KCNIP1: variants seen among roughly 807,000 people sequenced by gnomAD.
KCNIP1 encodes A-type potassium channel modulatory protein KCNIP1.
KCNIP1 carries 18 observed loss-of-function variants against 33.0 expected under a neutral mutation model. The ratio of observed to expected loss-of-function variants is 0.55; its 90% CI spans 0.38 to 0.81. KCNIP1 has a LOEUF of 0.81. KCNIP1 is among the 30% of genes least tolerant of loss of function. KCNIP1 has a pLI of 0.00. For synonymous variants in KCNIP1, 93 were observed against 98.3 expected (o/e 0.95, Z 0.32); for missense variants, 238 against 271.6 (o/e 0.88, Z 0.87).
At chr5:170,458,407 A>G (rs7716247) in intron 1 of KCNIP1, among the ~76,000 whole-genome samples, 10,136 of 152,246 alleles carry the variant, frequency 0.067, 613 homozygotes, top group African/African-American at 0.16. Flanking sequence ...CAGGTTATCT[A>G]AAGTTAAGAT....
chr5:170,487,826 G>T (rs1409490130), intron 1 of KCNIP1, among the ~76,000 whole-genome samples: 2 of 151,108 alleles, frequency 1.3e-5, no homozygotes, highest in Non-Finnish European at 2.9e-5. Flanking sequence ...CCCAGTCACA[G>T]TACATTTTTC....
chr5:170,498,500 T>C (rs1757352655), intron 1 of KCNIP1, among the ~76,000 whole-genome samples: 1 of 152,048 alleles, frequency 6.6e-6, no homozygotes, highest in Non-Finnish European at 1.5e-5. Context: ...AAGCACCTGC[T>C]ACCCTGAACT....
chr5:170,655,982 G>C (rs147396381), intron 1 of KCNIP1, among the ~76,000 whole-genome samples: 3 of 152,108 alleles, frequency 2.0e-5, no homozygotes, highest in Non-Finnish European at 2.9e-5. Flanking sequence ...AGGTTGAGGT[G>C]GGGGAGAGCA....
chr5:170,735,241 C>G (rs1307360793), intron 7 of KCNIP1, among the ~76,000 whole-genome samples: 1 of 151,866 alleles, frequency 6.6e-6, no homozygotes, highest in African/African-American at 2.4e-5. Flanking sequence ...TCTATTATTT[C>G]TTCTCTGAGG....
intron 1 of KCNIP1, chr5:170,385,273 G>GGA: frequency 6.2e-7 from 1 of 1,610,294 alleles, no homozygotes; most frequent in Non-Finnish European, 8.5e-7. Context: ...CAGACCCTTA[G>GGA]GAGAGGGTTG....
intron 1 of KCNIP1, among the ~76,000 whole-genome samples, chr5:170,361,067 T>C (rs933278243): frequency 2.6e-5 from 4 of 152,192 alleles, no homozygotes; most frequent in African/African-American, 9.6e-5. Context: ...CCTGCCCCCA[T>C]TCCGCTCTCA....
chr5:170,503,393 C>CAAAAAAAA (rs10628243), upstream of KCNIP1, among the ~76,000 whole-genome samples: 7 of 112,400 alleles, frequency 6.2e-5, no homozygotes, highest in South Asian at 3.1e-4. Context: ...GACTCCGTCT[C>CAAAAAAAA]AAAAAAAAAA....
chr5:170,637,447 C>T (rs1760330816), intron 1 of KCNIP1, among the ~76,000 whole-genome samples: 1 of 152,190 alleles, frequency 6.6e-6, no homozygotes, highest in Non-Finnish European at 1.5e-5. Context: ...CCTCCAATGC[C>T]TTCTGTCTCA....
intron 1 of KCNIP1, among the ~76,000 whole-genome samples, chr5:170,565,721 G>T (rs572995737): frequency 1.3e-5 from 2 of 152,258 alleles, no homozygotes; most frequent in South Asian, 2.1e-4. Context: ...TTAAAACTAG[G>T]ATTTTAATCC....
At chr5:170,684,347 A>T (rs1762468286) in intron 1 of KCNIP1, among the ~76,000 whole-genome samples, 2 of 151,800 alleles carry the variant, frequency 1.3e-5, no homozygotes, top group South Asian at 4.2e-4. Flanking sequence ...TTCTTGACAA[A>T]CTCCCCTAGA....
chr5:170,403,575 G>T (rs990842790), intron 1 of KCNIP1, among the ~76,000 whole-genome samples: 6 of 152,154 alleles, frequency 3.9e-5, no homozygotes, highest in Non-Finnish European at 1.5e-5. Context: ...CCTAGTTTGA[G>T]TAAATGAAGT....
intron 1 of KCNIP1, among the ~76,000 whole-genome samples, chr5:170,694,682 A>G: frequency 6.6e-6 from 1 of 152,232 alleles, no homozygotes; most frequent in Non-Finnish European, 1.5e-5. Flanking sequence ...CCATCCACAG[A>G]GAGGTTCTTT....
intron 1 of KCNIP1, among the ~76,000 whole-genome samples, chr5:170,585,811 C>G (rs1417840263): frequency 1.3e-5 from 2 of 152,314 alleles, no homozygotes; most frequent in East Asian, 3.9e-4. Context: ...CGCAGGGCCA[C>G]CTTCACTCCT....
chr5:170,365,635 T>A (rs1763640115), intron 1 of KCNIP1, among the ~76,000 whole-genome samples: 1 of 152,192 alleles, frequency 6.6e-6, no homozygotes, highest in Admixed American at 6.5e-5. Flanking sequence ...ATCTGGGGGC[T>A]GCAGACGCAG....
intron 1 of KCNIP1, among the ~76,000 whole-genome samples, chr5:170,457,988 G>C (rs763087700): frequency 5.9e-5 from 9 of 152,056 alleles, no homozygotes; most frequent in Non-Finnish European, 1.2e-4. Context: ...GAAATAGATA[G>C]CATAAATAAA....
chr5:170,631,124 C>T (rs1006195041), intron 1 of KCNIP1, among the ~76,000 whole-genome samples: 1 of 152,176 alleles, frequency 6.6e-6, no homozygotes, highest in African/African-American at 2.4e-5. Context: ...GGGACAATCA[C>T]TCAGCTTCAC....
At chr5:170,674,187 G>A (rs1413813192) in intron 1 of KCNIP1, among the ~76,000 whole-genome samples, 1 of 111,162 alleles carries the variant, frequency 9.0e-6, no homozygotes, top group Non-Finnish European at 1.7e-5. Flanking sequence ...AAGGAAGGGA[G>A]GGAGGGAGGG....
upstream of KCNIP1, among the ~76,000 whole-genome samples, chr5:170,503,464 T>TC (rs1469048360): frequency 6.6e-6 from 1 of 150,610 alleles, no homozygotes; most frequent in African/African-American, 2.4e-5. Flanking sequence ...TCCTTTCTCC[T>TC]CCCCAACTCC....
At chr5:170,403,038 A>T (rs937000414) in intron 1 of KCNIP1, among the ~76,000 whole-genome samples, 1 of 152,154 alleles carries the variant, frequency 6.6e-6, no homozygotes. Flanking sequence ...TGATTTATCT[A>T]TATGCGTGCC....
Sources: gnomAD v4.1 joint callset for allele counts (sites outside exome capture counted in the v4.1 genomes callset) on GRCh38, gnomAD v4.1.1 for gene constraint, MANE v1.5 for transcripts, NCBI Gene and HGNC (gene_info 2026-07-23, HGNC 2026-07-21) for gene names.